The following CRYBG1 variants were observed in gnomAD, a reference collection of about 807,000 sequenced individuals.
The protein encoded by CRYBG1 is crystallin beta-gamma domain containing 1.
In CRYBG1, 139 loss-of-function variants were observed where a neutral mutation model predicts 189.2. That is an observed-to-expected ratio of 0.73 (90% CI 0.64 to 0.85). The LOEUF is 0.85. Among genes scored for constraint, CRYBG1 ranks in the 40% least tolerant of loss-of-function variants. CRYBG1 has a pLI of 0.00. For synonymous variants in CRYBG1, 1,023 were observed against 1,017.1 expected, an observed-to-expected ratio of 1.01 and a Z score of -0.11; for missense variants, 2,611 against 2,675.8, an observed-to-expected ratio of 0.98 and a Z score of 0.53.
intron 3 of CRYBG1, among the ~76,000 whole-genome samples, chr6:106,514,197 T>A (rs1773366076): frequency 6.6e-6 from 1 of 152,202 alleles, no homozygotes; most frequent in Non-Finnish European, 1.5e-5. Flanking sequence ...AGGTACTCTA[T>A]GAAACTGATA....
intron 1 of CRYBG1, among the ~76,000 whole-genome samples, chr6:106,363,533 G>A (rs1651207383): frequency 6.6e-6 from 1 of 152,108 alleles, no homozygotes; most frequent in Non-Finnish European, 1.5e-5. Flanking sequence ...TGCCCAGTGT[G>A]GCTCTCTTAA....
Position 106,424,192 on chromosome 6 carries a change from G to C in CRYBG1, c.174-27502G>C, listed in dbSNP as rs145943129. On this transcript the variant is annotated intron_variant, in intron 1 of 21. Transcript: ENST00000633556. ...TTATAAAATTTCATATCCAAACTAC[G>C]TTTCTAGGAACTCATAGTACAAAAC... is the stretch of plus-strand genomic sequence containing the variant. Among the ~76,000 whole-genome samples, 134 of 152,108 alleles carry C rather than the reference G, an allele frequency of 8.8e-4. 1 individual carries two copies. The highest frequency in any genetic ancestry group is 3.1e-3 in the African/African-American group (127 of 41,480).
At chr6:106,514,795 A>G (rs966765487) in intron 3 of CRYBG1, among the ~76,000 whole-genome samples, 1 of 152,240 alleles carries the variant, frequency 6.6e-6, no homozygotes, top group Admixed American at 6.5e-5. Flanking sequence ...ATAGAACTAA[A>G]CCAAATATGT....
At chr6:106,504,042 A>C (rs916076792) in intron 2 of CRYBG1, among the ~76,000 whole-genome samples, 103 of 146,078 alleles carry the variant, frequency 7.1e-4, no homozygotes, top group African/African-American at 2.3e-3. Context: ...AAAAAAAAAA[A>C]AAAAAACCAC....
intron 1 of CRYBG1, among the ~76,000 whole-genome samples, chr6:106,424,915 T>C (rs1315021960): frequency 6.6e-6 from 1 of 152,100 alleles, no homozygotes; most frequent in Non-Finnish European, 1.5e-5. Context: ...CTCAAGTCCT[T>C]CCACTGTGTC....
In CRYBG1 at chr6:106,519,921, T is replaced by C. The variant is rs756723117; in HGVS notation, c.2713T>C (p.Ser905Pro). The C allele has an allele frequency of 1.9e-6, 3 of 1,614,008 alleles. No individual in the cohort carries two copies. Among genetic ancestry groups the C allele is most frequent in the African/African-American group, 2.7e-5 (2 of 74,906 alleles). Residue 905 changes from serine to proline, a missense_variant, in exon 4 of 22, where the codon TCA becomes CCA. Ser to Pro is a moderately conservative substitution (Grantham distance 74, BLOSUM62 -1). Around this residue, in one of 3 missense-constraint regions of CRYBG1, gnomAD observed 1,622 missense variants for 1,735.0 expected, o/e 0.93. Transcript: ENST00000633556. ...SSFPCTDLKV[S>P]ENHKGCVLPV... The stretch of plus-strand genomic sequence containing the variant: ...TTTCCCATGCACTGATCTAAAAGTG[T>C]CAGAAAACCATAAAGGATGTGTTTT...
intron 3 of CRYBG1, among the ~76,000 whole-genome samples, chr6:106,517,341 T>TACAC (rs200196517): frequency 6.4e-5 from 9 of 141,018 alleles, no homozygotes; most frequent in East Asian, 4.1e-4. Context: ...CATATATATA[T>TACAC]ACACACACAT....
chr6:106,397,193 A>T (rs1770630124), intron 1 of CRYBG1, among the ~76,000 whole-genome samples: 1 of 152,238 alleles, frequency 6.6e-6, no homozygotes, highest in Non-Finnish European at 1.5e-5. Flanking sequence ...TTTTGATACA[A>T]GTATATATTG....
intron 1 of CRYBG1, among the ~76,000 whole-genome samples, chr6:106,379,277 T>C (rs950813890): frequency 4.6e-5 from 7 of 152,200 alleles, no homozygotes; most frequent in Admixed American, 3.3e-4. Flanking sequence ...TCTTTTTTTT[T>C]TCGAGACAGA....
At chr6:106,420,084 T>C (rs944672123) in intron 1 of CRYBG1, among the ~76,000 whole-genome samples, 1 of 152,186 alleles carries the variant, frequency 6.6e-6, no homozygotes, top group Admixed American at 6.5e-5. Flanking sequence ...ATGCAGTAAT[T>C]TTGTACATTT....
intron 2 of CRYBG1, among the ~76,000 whole-genome samples, chr6:106,504,039 A>AC (rs1554186968): frequency 2.8e-5 from 4 of 144,660 alleles, no homozygotes; most frequent in East Asian, 2.1e-4. Flanking sequence ...GAAAAAAAAA[A>AC]AAAAAAAAAC....
chr6:106,490,645 A>G (rs1167210929), intron 2 of CRYBG1, among the ~76,000 whole-genome samples: 1 of 152,110 alleles, frequency 6.6e-6, no homozygotes, highest in Non-Finnish European at 1.5e-5. Flanking sequence ...GGTGCTGGCA[A>G]TTTTGCTTTC....
chr6:106,448,221 G>A (rs1274915498), intron 1 of CRYBG1, among the ~76,000 whole-genome samples: 1 of 152,210 alleles, frequency 6.6e-6, no homozygotes, highest in Non-Finnish European at 1.5e-5. Context: ...ATGGCCAGGT[G>A]CACAGCAGCA....
chr6:106,539,783 T>C (rs1774088690), intron 9 of CRYBG1, among the ~76,000 whole-genome samples: 1 of 151,114 alleles, frequency 6.6e-6, no homozygotes, highest in Non-Finnish European at 1.5e-5. Context: ...TGCAGATGGG[T>C]GCGCAAAGCT....
At chr6:106,428,015 C>T (rs1424560141) in intron 1 of CRYBG1, among the ~76,000 whole-genome samples, 1 of 152,214 alleles carries the variant, frequency 6.6e-6, no homozygotes, top group Non-Finnish European at 1.5e-5. Flanking sequence ...CAAACATTTT[C>T]CTCCTGAGAG....
intron 2 of CRYBG1, among the ~76,000 whole-genome samples, chr6:106,477,391 A>T (rs1772353471): frequency 6.6e-6 from 1 of 152,134 alleles, no homozygotes; most frequent in Admixed American, 6.6e-5. Flanking sequence ...CTTTCAGTAG[A>T]TAGTTAATAT....
intron 1 of CRYBG1, among the ~76,000 whole-genome samples, chr6:106,390,761 A>G (rs1770484350): frequency 6.6e-6 from 1 of 152,210 alleles, no homozygotes; most frequent in Admixed American, 6.5e-5. Flanking sequence ...AGTTATTGCT[A>G]TGTAATATTT....
intron 2 of CRYBG1, among the ~76,000 whole-genome samples, chr6:106,491,694 C>G (rs1371325765): frequency 6.6e-6 from 1 of 152,092 alleles, no homozygotes; most frequent in Non-Finnish European, 1.5e-5. Flanking sequence ...CTCTTAACAC[C>G]TTACGTCTGA....
intron 1 of CRYBG1, among the ~76,000 whole-genome samples, chr6:106,377,493 C>A (rs916656825): frequency 2.6e-5 from 4 of 151,860 alleles, no homozygotes; most frequent in Admixed American, 2.6e-4. Context: ...CCTTTTAAAT[C>A]CAATAAATGT....
Sources: allele counts gnomAD v4.1 joint callset (sites outside exome capture counted in the v4.1 genomes callset), GRCh38; gene constraint gnomAD v4.1.1; regional missense constraint gnomAD v4.1.1; transcripts MANE v1.5; gene names NCBI Gene and HGNC (gene_info 2026-07-23, HGNC 2026-07-21).